The following GRIN2D variants were observed in gnomAD, a reference collection of about 807,000 sequenced individuals.
GRIN2D encodes the protein glutamate receptor ionotropic, NMDA 2D.
GRIN2D carries 37 observed loss-of-function variants against 103.2 expected under a neutral mutation model. The observed-to-expected ratio is 0.36, with a 90% confidence interval of 0.28 to 0.47. The LOEUF (loss-of-function observed/expected upper bound fraction) is 0.47. GRIN2D is among the 20% of genes least tolerant of loss of function. The probability of loss-of-function intolerance (pLI) is 1.00; values close to 1 mark genes in which losing one functional copy is unlikely to be tolerated. For missense variants in GRIN2D, 1,557 were observed against 1,910.6 expected (o/e 0.81, Z 3.45); for synonymous variants, 845 against 885.6 (o/e 0.95, Z 0.81).
In GRIN2D at chr19:48,405,015, C is replaced by G. The variant is rs763980279; in HGVS notation, c.747C>G (p.Ala249=). The change falls in exon 4 of 14, where the codon GCC becomes GCG. Residue 249 remains alanine (A), a synonymous_variant. Transcript: ENST00000263269. The surrounding 1 kb of genome is among the most constrained non-coding windows in gnomAD (Gnocchi z 5.1). The part of the protein sequence containing the change: ...VSAQIRLLFC[A]REEAEPVFRA... ...CGCAGATCCGCCTGCTCTTCTGCGC[C>G]CGAGAGGAGGCCGAGCCCGTGTTCC... 1 of 1,612,344 alleles carries G rather than the reference C, an allele frequency of 6.2e-7. No homozygotes were observed. Among genetic ancestry groups the G allele is most frequent in the South Asian group, 1.1e-5 (1 of 91,008 alleles).
chr19:48,402,573 C>T (rs894957263), intron 3 of GRIN2D, among the ~76,000 whole-genome samples: 3 of 151,180 alleles, frequency 2.0e-5, no homozygotes, highest in African/African-American at 4.9e-5. Flanking sequence ...AAAAATTAGC[C>T]GGGCGCAGTG....
chr19:48,443,035 G>T lies in GRIN2D; in HGVS notation c.3109G>T (p.Ala1037Ser). Residue 1037 changes from alanine (A) to serine (S), a missense_variant, in exon 14 of 14, where the codon GCG becomes TCG. Ala to Ser is a moderately conservative substitution (Grantham distance 99, BLOSUM62 1). Coordinates refer to ENST00000263269, the MANE Select transcript of GRIN2D (RefSeq NM_000836.4). The surrounding 1 kb of genome is among the most constrained non-coding windows in gnomAD (Gnocchi z 8.9). ...GTCGCCGCCCGCGCCCCCCGCCGCCGCGGCCACCGCCGTCGGGCCGCCACT... is the reference window on the plus strand; with the variant it reads ...GTCGCCGCCCGCGCCCCCCGCCGCCTCGGCCACCGCCGTCGGGCCGCCACT... ...FPSPPAPPAA[A>S]ATAVGPPLCR... The T allele has an allele frequency of 1.9e-6, 2 of 1,048,872 alleles. No homozygotes were observed. Among genetic ancestry groups the T allele is most frequent in the Non-Finnish European group, 2.3e-6 (2 of 874,228 alleles). The allele number at this position is 1,048,872 out of a possible 1,614,324, so 65.0% of individuals were successfully genotyped here.
intron 3 of GRIN2D, among the ~76,000 whole-genome samples, chr19:48,400,324 G>C (rs182600811): frequency 6.6e-6 from 1 of 152,348 alleles, no homozygotes; most frequent in African/African-American, 2.4e-5. Context: ...CCCATTCCCT[G>C]CTGTGCGGGC....
intron 11 of GRIN2D, among the ~76,000 whole-genome samples, chr19:48,429,560 C>T (rs1157112387): frequency 6.6e-6 from 1 of 152,008 alleles, no homozygotes; most frequent in Non-Finnish European, 1.5e-5. Flanking sequence ...CCACCACGCC[C>T]AGCTAACTTT....
chr19:48,440,176 AC>A (rs1348411754), intron 11 of GRIN2D, among the ~76,000 whole-genome samples: 1 of 152,072 alleles, frequency 6.6e-6, no homozygotes, highest in Non-Finnish European at 1.5e-5. Flanking sequence ...ACGCCTCTGC[AC>A]TCCAGCCTGG....
At chr19:48,425,522 G>C (rs1055927704) in intron 11 of GRIN2D, among the ~76,000 whole-genome samples, 22 of 152,106 alleles carry the variant, frequency 1.4e-4, no homozygotes, top group African/African-American at 5.3e-4. Context: ...GATTACAGGC[G>C]TGAGCCACCG....
Position 48,414,672 on chromosome 19 carries a change from G to T in GRIN2D, c.1412+88G>T. The T allele has an allele frequency of 7.4e-7, 1 of 1,349,338 alleles. No homozygotes were observed. Among genetic ancestry groups the T allele is most frequent in the East Asian group, 2.5e-5 (1 of 40,102 alleles). The allele number at this position is 1,349,338 out of a possible 1,614,324, so 83.6% of individuals were successfully genotyped here. ...TGGGCCCCCAGCCCCCTCCTCCCTT[G>T]GGACCCAGGACCCACAAAGCCCTCC... On this transcript the variant is annotated intron_variant, in intron 6 of 13. Coordinates refer to ENST00000263269, the MANE Select transcript of GRIN2D (RefSeq NM_000836.4). This position sits in a 1 kb window ranked among gnomAD's most constrained non-coding sequence, Gnocchi z 4.6.
intron 11 of GRIN2D, among the ~76,000 whole-genome samples, chr19:48,437,559 A>G (rs1400655277): frequency 6.6e-6 from 1 of 152,156 alleles, no homozygotes; most frequent in Non-Finnish European, 1.5e-5. Flanking sequence ...AATCTCTCAA[A>G]TATTTCCACC....
At chr19:48,436,009 T>C (rs573187704) in intron 11 of GRIN2D, among the ~76,000 whole-genome samples, 1 of 152,260 alleles carries the variant, frequency 6.6e-6, no homozygotes, top group Admixed American at 6.5e-5. Context: ...AATAGGGTGC[T>C]CAGGAAGGTG....
intron 11 of GRIN2D, among the ~76,000 whole-genome samples, chr19:48,423,794 G>T (rs112409023): frequency 5.3e-5 from 8 of 151,986 alleles, no homozygotes; most frequent in Non-Finnish European, 8.8e-5. Flanking sequence ...GAGATTTTAC[G>T]TAAGGAAGGG....
intron 4 of GRIN2D, among the ~76,000 whole-genome samples, chr19:48,413,216 T>C (rs1212209968): frequency 7.1e-6 from 1 of 140,530 alleles, no homozygotes; most frequent in Non-Finnish European, 1.5e-5. Context: ...GGCTCATGCC[T>C]GTAATCCCAA....
chr19:48,395,325 C>T (rs1289465325), intron 2 of GRIN2D, among the ~76,000 whole-genome samples: 1 of 151,750 alleles, frequency 6.6e-6, no homozygotes, highest in Non-Finnish European at 1.5e-5. Context: ...CTCGCTCTCC[C>T]CTCCCATGTC....
chr19:48,420,719 G>A (rs1158117566), intron 10 of GRIN2D, among the ~76,000 whole-genome samples: 1 of 152,012 alleles, frequency 6.6e-6, no homozygotes, highest in South Asian at 2.1e-4. Context: ...CCAGCTACTT[G>A]GGAGGCTGAG....
At chr19:48,431,485 A>G (rs1018903171) in intron 11 of GRIN2D, among the ~76,000 whole-genome samples, 10 of 152,104 alleles carry the variant, frequency 6.6e-5, no homozygotes, top group African/African-American at 2.2e-4. Context: ...GAGAAATCCA[A>G]GATCATTCTG....
At chr19:48,426,356 G>T (rs1319365545) in intron 11 of GRIN2D, among the ~76,000 whole-genome samples, 1 of 150,028 alleles carries the variant, frequency 6.7e-6, no homozygotes, top group Non-Finnish European at 1.5e-5. Flanking sequence ...CTCCCAAGTT[G>T]CTGGAATTAC....
chr19:48,412,480 A>AGAAAG (rs1555892680), intron 4 of GRIN2D, among the ~76,000 whole-genome samples: 6 of 149,858 alleles, frequency 4.0e-5, no homozygotes, highest in African/African-American at 1.5e-4. Context: ...AAAGAAAGAA[A>AGAAAG]GAGAGAGAAA....
Position 48,414,034 on chromosome 19 carries a change from A to G in GRIN2D, c.1129A>G (p.Asn377Asp). Reference sequence around the variant, plus strand: ...GTGGGATAACCGGGATTACTCCTTCAATGAGGACGGCTTCCTAGTGAACCC... The same window carrying G: ...GTGGGATAACCGGGATTACTCCTTCGATGAGGACGGCTTCCTAGTGAACCC... The part of the protein sequence containing the change: ...ITWDNRDYSF[N>D]EDGFLVNPSL... The change falls in exon 5 of 14, where the codon AAT becomes GAT. Residue 377 changes from asparagine (N) to aspartate (D), a missense_variant. By Grantham distance (23) the Asn-to-Asp change is conservative. This residue lies in a region of GRIN2D where 490 missense variants were observed against 601.1 expected (regional missense o/e 0.82). Transcript: ENST00000263269. This position sits in a 1 kb window ranked among gnomAD's most constrained non-coding sequence, Gnocchi z 4.6. The G allele has an allele frequency of 6.2e-7, 1 of 1,613,074 alleles. No homozygotes were observed. The highest frequency in any genetic ancestry group is 8.5e-7 in the Non-Finnish European group (1 of 1,179,062).
chr19:48,396,166 T>G (rs1970637389), intron 2 of GRIN2D, among the ~76,000 whole-genome samples: 1 of 148,346 alleles, frequency 6.7e-6, no homozygotes, highest in Admixed American at 6.7e-5. Flanking sequence ...CATGAGGAGG[T>G]AGAGATGGAG....
rs1027937569 is a variant in GRIN2D at position 48,394,552 on chromosome 19, C to T, written c.-305-106C>T. 2.7e-5 allele frequency among the ~76,000 whole-genome samples: 3 copies of T among 112,314 alleles called. No individual in the cohort carries two copies. The highest frequency in any genetic ancestry group is 1.1e-4 in the Admixed American group (1 of 8,786). 73.7% of individuals were successfully genotyped at this position (112,314 alleles called of 152,430 possible). A position where few individuals can be genotyped will look rare whatever the true frequency, so the allele number is the denominator to read the frequency against. On this transcript the variant is annotated intron_variant, in intron 1 of 13. Coordinates refer to ENST00000263269, the MANE Select transcript of GRIN2D (RefSeq NM_000836.4). This position sits in a 1 kb window ranked among gnomAD's most constrained non-coding sequence, Gnocchi z 5.1. Reference sequence around the variant, plus strand: ...AAGGGGGGAGGAGCCGGGGCTGAAGCGGCAGAGGGGGGCACCCCGGGTGGG... The same window carrying T: ...AAGGGGGGAGGAGCCGGGGCTGAAGTGGCAGAGGGGGGCACCCCGGGTGGG...
Sources: allele counts gnomAD v4.1 joint callset (sites outside exome capture counted in the v4.1 genomes callset), GRCh38; gene constraint gnomAD v4.1.1; regional missense constraint gnomAD v4.1.1; non-coding constraint Gnocchi (gnomAD v3.1); transcripts MANE v1.5; gene names NCBI Gene and HGNC (gene_info 2026-07-23, HGNC 2026-07-21).